The following DUS2 variants were observed in gnomAD, a reference collection of about 807,000 sequenced individuals.
The protein encoded by DUS2 is tRNA-dihydrouridine(20) synthase [NAD(P)+]-like.
In DUS2, 52 loss-of-function variants were observed where a neutral mutation model predicts 71.3. The observed-to-expected ratio is 0.73, with a 90% CI of 0.58 to 0.92. DUS2 has a LOEUF of 0.92. Among genes scored for constraint, DUS2 ranks in the 40% least tolerant of loss-of-function variants. DUS2 has a pLI of 0.00. For synonymous variants in DUS2, 204 were observed against 227.8 expected, an observed-to-expected ratio of 0.90 and a Z score of 0.94; for missense variants, 558 against 622.6, an observed-to-expected ratio of 0.90 and a Z score of 1.10.
intron 3 of DUS2, among the ~76,000 whole-genome samples, chr16:68,047,358 T>C (rs60396094): frequency 0.013 from 1,996 of 152,198 alleles, 44 homozygotes; most frequent in African/African-American, 0.045. Context: ...CTGGCCTCTC[T>C]CATTCTGATT....
Position 68,038,018 on chromosome 16 carries a change from G to T in DUS2, c.-6G>T. On this transcript the variant is annotated 5_prime_UTR_variant, in exon 3 of 17. Transcript: ENST00000565263. ...CTTTTTTTTTCAGGCTGTAACAGAG[G>T]AGGAAATGATTTTGAATAGCCTCTC... The T allele has an allele frequency of 6.2e-7, 1 of 1,612,398 alleles. No individual in the cohort carries two copies. Among genetic ancestry groups the T allele is most frequent in the Non-Finnish European group, 8.5e-7 (1 of 1,179,408 alleles).
At chr16:68,072,757 A>G (rs1057187797) in intron 12 of DUS2, among the ~76,000 whole-genome samples, 16 of 152,196 alleles carry the variant, frequency 1.1e-4, no homozygotes, top group South Asian at 2.1e-4. Context: ...CCTTCACCCA[A>G]TACTGCTCTC....
Position 68,078,887 on chromosome 16 carries a change from G to C in DUS2, c.1383G>C (p.Gly461=). 1.2e-6 allele frequency: 2 copies of C among 1,613,592 alleles called. No homozygotes were observed. Among genetic ancestry groups the C allele is most frequent in the Non-Finnish European group, 1.7e-6 (2 of 1,179,594 alleles). The part of the protein sequence containing the change: ...RKREAPDQDP[G]GPRAQELAQP... ...GGGAGGCTCCTGACCAAGACCCTGGGGGCCCCAGAGCTCAGGAGCTAGCAC... is the reference window on the plus strand; with the variant it reads ...GGGAGGCTCCTGACCAAGACCCTGGCGGCCCCAGAGCTCAGGAGCTAGCAC... Residue 461 remains glycine (G), a synonymous_variant, in exon 17 of 17, where the codon GGG becomes GGC. Transcript: ENST00000565263.
chr16:68,039,087 A>G (rs2033581568), intron 3 of DUS2, among the ~76,000 whole-genome samples: 1 of 152,030 alleles, frequency 6.6e-6, no homozygotes, highest in African/African-American at 2.4e-5. Context: ...ACCACTATAT[A>G]GAGAGAATGG....
rs1207566454 is a variant in DUS2, at chr16:68,051,273, A to C, written c.172+1723A>C. On this transcript the variant is annotated intron_variant, in intron 4 of 16. Transcript: ENST00000565263. ...ATAAAGTTGCTTTAAACATCAAATG[A>C]GCGGATACTGAACCATTGACCCTGG... 2.6e-5 allele frequency among the ~76,000 whole-genome samples: 4 copies of C among 152,314 alleles called. No individual in the cohort carries two copies. The East Asian group carries it at 7.7e-4, about 29-fold the overall frequency.
chr16:68,044,543 A>G (rs535784140), intron 3 of DUS2, among the ~76,000 whole-genome samples: 1 of 149,812 alleles, frequency 6.7e-6, no homozygotes, highest in Non-Finnish European at 1.5e-5. Context: ...CTACAGCCAT[A>G]CTCCACCCCA....
At chr16:68,025,715 C>G (rs1240424260) in intron 2 of DUS2, among the ~76,000 whole-genome samples, 1 of 152,158 alleles carries the variant, frequency 6.6e-6, no homozygotes, top group East Asian at 1.9e-4. Flanking sequence ...CCCTCACTCA[C>G]AGAGGACATT....
intron 3 of DUS2, among the ~76,000 whole-genome samples, chr16:68,048,437 C>T (rs1045111960): frequency 1.3e-5 from 2 of 152,200 alleles, no homozygotes; most frequent in Admixed American, 1.3e-4. Context: ...TGGGATGCCA[C>T]ACTGATTCTT....
At chr16:68,070,341 T>C in intron 11 of DUS2, 121 bp downstream of exon 11, 1 of 848,702 alleles carries the variant, frequency 1.2e-6, no homozygotes, top group South Asian at 1.5e-5. Flanking sequence ...GGCAGGGCTT[T>C]CCACAAGACC....
At chr16:68,065,311 G>GT (rs2033990249) in intron 8 of DUS2, among the ~76,000 whole-genome samples, 2 of 150,380 alleles carry the variant, frequency 1.3e-5, no homozygotes, top group African/African-American at 5.0e-5. Context: ...CCCTCACCCT[G>GT]TAAGTCCTGG....
At chr16:68,036,226 G>T (rs2033525031) in intron 2 of DUS2, among the ~76,000 whole-genome samples, 1 of 150,620 alleles carries the variant, frequency 6.6e-6, no homozygotes, top group African/African-American at 2.4e-5. Context: ...GGTGGCATGA[G>T]CTCGACTCAC....
At chr16:68,078,135 G>A in intron 15 of DUS2, 2 of 390,760 alleles carry the variant, frequency 5.1e-6, no homozygotes, top group South Asian at 5.7e-5. Flanking sequence ...CACCCTTTTG[G>A]CATCTGGTGA....
intron 4 of DUS2, 47 bp downstream of exon 4, chr16:68,049,597 T>C: frequency 6.3e-7 from 1 of 1,581,740 alleles, no homozygotes; most frequent in Non-Finnish European, 8.7e-7. Context: ...CCTGCTGGGC[T>C]CAAGCAGCAC....
intron 7 of DUS2, among the ~76,000 whole-genome samples, chr16:68,059,300 C>T (rs1160402598): frequency 2.0e-5 from 3 of 152,118 alleles, no homozygotes; most frequent in African/African-American, 7.2e-5. Flanking sequence ...ATTTGAATCT[C>T]TCAAATTTTG....
intron 3 of DUS2, among the ~76,000 whole-genome samples, chr16:68,038,493 G>A (rs1338736819): frequency 4.6e-5 from 7 of 152,130 alleles, no homozygotes; most frequent in Admixed American, 4.6e-4. Context: ...ACTTTGGGAG[G>A]CCAAGGCGGG....
intron 5 of DUS2, 145 bp downstream of exon 5, chr16:68,053,800 C>G: frequency 1.2e-5 from 9 of 758,254 alleles, no homozygotes; most frequent in Non-Finnish European, 1.9e-5. Flanking sequence ...TAATGTTTTC[C>G]AAAGAGCCAG....
At chr16:68,026,350 T>C (rs2033349754) in intron 2 of DUS2, among the ~76,000 whole-genome samples, 1 of 152,192 alleles carries the variant, frequency 6.6e-6, no homozygotes, top group Non-Finnish European at 1.5e-5. Context: ...ATCACAGTTA[T>C]AAATGAAGCA....
chr16:68,050,379 G>T (rs147686770), intron 4 of DUS2, among the ~76,000 whole-genome samples: 190 of 152,162 alleles, frequency 1.2e-3, no homozygotes, highest in African/African-American at 3.9e-3. Context: ...CTCGTGATCC[G>T]CCTGCCTTGG....
At chr16:68,048,217 C>G (rs1029071898) in intron 3 of DUS2, among the ~76,000 whole-genome samples, 1 of 152,168 alleles carries the variant, frequency 6.6e-6, no homozygotes, top group African/African-American at 2.4e-5. Context: ...TGGAGATTTC[C>G]GTAAATACTT....
Sources: allele counts gnomAD v4.1 joint callset (sites outside exome capture counted in the v4.1 genomes callset), GRCh38; gene constraint gnomAD v4.1.1; transcripts MANE v1.5; gene names NCBI Gene and HGNC (gene_info 2026-07-23, HGNC 2026-07-21).